The following CPNE4 variants were observed in gnomAD, a reference collection of about 807,000 sequenced individuals.
CPNE4 encodes the protein copine-4.
Under a neutral mutation model 67.9 loss-of-function variants are expected in CPNE4, and 25 were observed. The ratio of observed to expected loss-of-function variants is 0.37; its 90% CI spans 0.27 to 0.51. CPNE4 has a LOEUF of 0.51. Ranked by LOEUF, CPNE4 falls within the 20% of genes least tolerant of loss-of-function variation. CPNE4 has a pLI of 0.93. For missense variants in CPNE4, 464 were observed against 690.8 expected (o/e 0.67, Z 3.68); for synonymous variants, 242 against 244.9 (o/e 0.99, Z 0.11).
At chr3:131,630,410 A>C (rs1051684854) in intron 7 of CPNE4, among the ~76,000 whole-genome samples, 1 of 152,218 alleles carries the variant, frequency 6.6e-6, no homozygotes, top group Non-Finnish European at 1.5e-5. Flanking sequence ...CCTCAGTCTG[A>C]ACTCACTACT....
chr3:131,831,834 C>A (rs994303416), intron 2 of CPNE4, among the ~76,000 whole-genome samples: 3 of 152,170 alleles, frequency 2.0e-5, no homozygotes, highest in Non-Finnish European at 4.4e-5. Context: ...ACTGACTCTG[C>A]AGCCTTGAGC....
intron 6 of CPNE4, among the ~76,000 whole-genome samples, chr3:131,684,336 CT>C (rs2080832356): frequency 1.3e-5 from 2 of 152,182 alleles, no homozygotes; most frequent in African/African-American, 4.8e-5. Context: ...TGAGATGCCA[CT>C]CAGGGCAACT....
intron 5 of CPNE4, among the ~76,000 whole-genome samples, chr3:131,688,898 C>G (rs571860203): frequency 6.6e-6 from 1 of 152,094 alleles, no homozygotes; most frequent in African/African-American, 2.4e-5. Flanking sequence ...GATCTATGTA[C>G]AATTTAGTAC....
intron 2 of CPNE4, among the ~76,000 whole-genome samples, chr3:131,862,413 A>G (rs1207938607): frequency 6.6e-6 from 1 of 152,118 alleles, no homozygotes; most frequent in Non-Finnish European, 1.5e-5. Context: ...CTCTAGCTCA[A>G]TACCTCATCT....
chr3:131,876,915 T>C (rs1409369784), intron 2 of CPNE4, among the ~76,000 whole-genome samples: 4 of 152,080 alleles, frequency 2.6e-5, no homozygotes, highest in Admixed American at 1.3e-4. Context: ...AAAACCATTC[T>C]AGTGCTATTT....
At chr3:131,827,350 G>A (rs1464068) in intron 2 of CPNE4, among the ~76,000 whole-genome samples, 32,372 of 151,004 alleles carry the variant, frequency 0.21, 3,841 homozygotes, top group Admixed American at 0.33. Flanking sequence ...CAGGAGTGAA[G>A]CAAGACTGTG....
intron 2 of CPNE4, among the ~76,000 whole-genome samples, chr3:131,868,279 C>T (rs1207614001): frequency 1.3e-5 from 2 of 152,156 alleles, no homozygotes; most frequent in Non-Finnish European, 2.9e-5. Context: ...CACCTCTCTA[C>T]GTTCTGGCAG....
intron 1 of CPNE4, among the ~76,000 whole-genome samples, chr3:131,942,166 GTC>G (rs1310061618): frequency 2.0e-5 from 3 of 152,008 alleles, no homozygotes; most frequent in Non-Finnish European, 2.9e-5. Context: ...AGGAGCATAA[GTC>G]TGTTAATTGA....
intron 3 of CPNE4, among the ~76,000 whole-genome samples, chr3:131,712,313 C>T (rs1315126943): frequency 1.3e-5 from 2 of 152,190 alleles, no homozygotes; most frequent in African/African-American, 4.8e-5. Context: ...ATCCCACAAC[C>T]TAGATGTCAT....
chr3:131,717,930 CTTT>C (rs1583073019), intron 3 of CPNE4, among the ~76,000 whole-genome samples: 2 of 117,552 alleles, frequency 1.7e-5, no homozygotes, highest in East Asian at 2.4e-4. Context: ...TTCTTTCTTT[CTTT>C]CTTTCTTTCT....
At chr3:131,971,063 T>G (rs190836410) in intron 1 of CPNE4, among the ~76,000 whole-genome samples, 33 of 152,360 alleles carry the variant, frequency 2.2e-4, no homozygotes, top group Admixed American at 5.2e-4. Context: ...CTCAGCGGTG[T>G]TCATCTGGCA....
At chr3:131,677,602 T>A (rs2107667452) in intron 6 of CPNE4, among the ~76,000 whole-genome samples, 1 of 152,328 alleles carries the variant, frequency 6.6e-6, no homozygotes, top group Non-Finnish European at 1.5e-5. Flanking sequence ...TTGAGTTAAT[T>A]TTTCTTTATG....
upstream of CPNE4, among the ~76,000 whole-genome samples, chr3:132,036,747 A>G (rs2074346128): frequency 6.6e-6 from 1 of 152,194 alleles, no homozygotes; most frequent in African/African-American, 2.4e-5. Context: ...TATAACCCCA[A>G]TGCCTAGAAA....
intron 2 of CPNE4, among the ~76,000 whole-genome samples, chr3:131,883,572 G>A (rs1031694154): frequency 1.3e-5 from 2 of 152,082 alleles, no homozygotes; most frequent in Admixed American, 6.5e-5. Flanking sequence ...ATTACATATG[G>A]AATAAAACCC....
chr3:131,785,416 C>T (rs985924516), intron 2 of CPNE4, among the ~76,000 whole-genome samples: 1 of 151,996 alleles, frequency 6.6e-6, no homozygotes, highest in Non-Finnish European at 1.5e-5. Context: ...TATTTTTCAC[C>T]TTCCCCATGA....
chr3:131,554,026 G>A lies in CPNE4; in HGVS notation c.1116+1471C>T, dbSNP rs150178087. 5.5e-4 allele frequency among the ~76,000 whole-genome samples: 84 copies of A among 152,160 alleles called. 1 individual carries two copies. The highest frequency in any genetic ancestry group is 1.9e-3 in the African/African-American group (81 of 41,556). ...CAAGAAAGATTAGTTACTCCAGGAAGGGAACCAAAAAGATGTCATTAGTGA... is the reference window on the plus strand; with the variant it reads ...CAAGAAAGATTAGTTACTCCAGGAAAGGAACCAAAAAGATGTCATTAGTGA... On this transcript the variant is annotated intron_variant, in intron 12 of 15. Coordinates refer to ENST00000429747, the MANE Select transcript of CPNE4 (RefSeq NM_130808.3).
At chr3:131,858,856 G>C (rs566097929) in intron 2 of CPNE4, among the ~76,000 whole-genome samples, 6 of 152,004 alleles carry the variant, frequency 3.9e-5, no homozygotes, top group Non-Finnish European at 7.4e-5. Context: ...CTCCACAAAG[G>C]GATGCAAACA....
At chr3:131,675,652 A>C (rs567842804) in intron 6 of CPNE4, among the ~76,000 whole-genome samples, 1 of 152,062 alleles carries the variant, frequency 6.6e-6, no homozygotes, top group Non-Finnish European at 1.5e-5. Context: ...TTCTATTTGC[A>C]TGGGATACAT....
chr3:131,538,996 T>C (rs1935329230), intron 15 of CPNE4: 2 of 152,184 alleles, frequency 1.3e-5, no homozygotes, highest in South Asian at 4.1e-4. Context: ...ATAACATAAC[T>C]TGTGCCCTGT....
Sources: gnomAD v4.1 joint callset for allele counts (sites outside exome capture counted in the v4.1 genomes callset) on GRCh38, gnomAD v4.1.1 for gene constraint, MANE v1.5 for transcripts, NCBI Gene and HGNC (gene_info 2026-07-23, HGNC 2026-07-21) for gene names.